UBE3C: variants seen among roughly 807,000 people sequenced by gnomAD.
UBE3C encodes the protein ubiquitin-protein ligase E3C.
Under a neutral mutation model 129.4 loss-of-function variants are expected in UBE3C, and 42 were observed. The observed-to-expected ratio is 0.32, with a 90% CI of 0.25 to 0.42. The LOEUF (loss-of-function observed/expected upper bound fraction) is 0.42. UBE3C is among the 10% of genes least tolerant of loss of function. UBE3C has a pLI of 1.00. For synonymous variants in UBE3C, 510 were observed against 492.4 expected, an observed-to-expected ratio of 1.04 and a Z score of -0.47; for missense variants, 1,049 against 1,319.1, an observed-to-expected ratio of 0.80 and a Z score of 3.17.
intron 5 of UBE3C, among the ~76,000 whole-genome samples, chr7:157,175,969 T>C (rs1176668283): frequency 6.6e-6 from 1 of 152,170 alleles, no homozygotes; most frequent in Non-Finnish European, 1.5e-5. Flanking sequence ...TTACAACTCT[T>C]TAAAAATAAA....
chr7:157,206,384 T>A (rs1231891468), intron 11 of UBE3C, among the ~76,000 whole-genome samples: 1 of 152,052 alleles, frequency 6.6e-6, no homozygotes, highest in Non-Finnish European at 1.5e-5. Context: ...TGCCTCAGCC[T>A]CCCAAGTAGC....
intron 22 of UBE3C, among the ~76,000 whole-genome samples, chr7:157,258,476 G>A (rs60804162): frequency 0.011 from 1,725 of 152,092 alleles, 34 homozygotes; most frequent in African/African-American, 0.039. Flanking sequence ...TTTTTGAGAC[G>A]GAGTTTTACT....
chr7:157,229,325 G>GT (rs1451611811), intron 17 of UBE3C, among the ~76,000 whole-genome samples: 3 of 152,058 alleles, frequency 2.0e-5, no homozygotes, highest in East Asian at 3.8e-4. Context: ...TTGTTTGTTT[G>GT]TTTTTTGAAA....
At chr7:157,146,526 G>T (rs921948950) in intron 1 of UBE3C, among the ~76,000 whole-genome samples, 2 of 152,108 alleles carry the variant, frequency 1.3e-5, no homozygotes, top group African/African-American at 4.8e-5. Context: ...CGGCCTTTAC[G>T]ATCTGTTTCT....
intron 9 of UBE3C, among the ~76,000 whole-genome samples, chr7:157,186,230 C>T (rs1808800863): frequency 6.6e-6 from 1 of 152,040 alleles, no homozygotes; most frequent in Non-Finnish European, 1.5e-5. Context: ...TCGAGACCAG[C>T]CTGACCAACA....
At chr7:157,200,223 T>C (rs187786528) in intron 10 of UBE3C, among the ~76,000 whole-genome samples, 3 of 152,362 alleles carry the variant, frequency 2.0e-5, no homozygotes, top group African/African-American at 7.2e-5. Context: ...TTTCACATGC[T>C]CTTTCATGCT....
At chr7:157,178,604 TA>T in intron 5 of UBE3C, 85 bp from the exon 6 acceptor site, 1 of 1,402,422 alleles carries the variant, frequency 7.1e-7, no homozygotes, top group Non-Finnish European at 9.8e-7. Context: ...AATAGTTTCT[TA>T]ACCATTGTCA....
chr7:157,169,609 C>G (rs1586659419), intron 3 of UBE3C, among the ~76,000 whole-genome samples: 1 of 152,156 alleles, frequency 6.6e-6, no homozygotes, highest in Non-Finnish European at 1.5e-5. Context: ...CTCATGACCT[C>G]AAATGATTCG....
rs1297748360 is a variant in UBE3C at position 157,178,789 on chromosome 7, AGAT to A, written c.560_562del (p.Asp187del). The stretch of plus-strand genomic sequence containing the variant: ...AGAATACTTACTTGCCTGTTTTACA[AGAT>A]GCTAGCTATGTGGTGTCAGTGATTG... On this transcript the variant is annotated inframe_deletion, in exon 6 of 23. Coordinates refer to ENST00000348165, the MANE Select transcript of UBE3C (RefSeq NM_014671.3). 1 of 1,614,218 alleles carries A rather than the reference AGAT, an allele frequency of 6.2e-7. No homozygotes were observed. Among genetic ancestry groups the A allele is most frequent in the Non-Finnish European group, 8.5e-7 (1 of 1,180,020 alleles).
chr7:157,178,612 G>T, intron 5 of UBE3C, 78 bp from the exon 6 acceptor site: 1 of 1,460,638 alleles, frequency 6.8e-7, no homozygotes, highest in Admixed American at 1.8e-5. Context: ...CTTAACCATT[G>T]TCACTGAGAG....
intron 11 of UBE3C, 138 bp downstream of exon 11, chr7:157,201,945 C>T: frequency 1.5e-6 from 1 of 660,636 alleles, no homozygotes; most frequent in Non-Finnish European, 2.6e-6. Context: ...TCCAGATGGT[C>T]TCAGTTGCAC....
rs1367560680 is a variant in UBE3C at position 157,207,809 on chromosome 7, TCCAGAAACCAAG to T, written c.1690_1701del (p.Thr564_Glu567del). ...GCCTGGGGATCATCAAGTTGGCTTA[TCCAGAAACCAAG>T]CCAGAAGTTCGAGAAGAATATATTA... On this transcript the variant is annotated inframe_deletion, in exon 13 of 23. Transcript: ENST00000348165. 6.2e-7 allele frequency: 1 copy of T among 1,614,028 alleles called. No individual in the cohort carries two copies. Among genetic ancestry groups the T allele is most frequent in the Non-Finnish European group, 8.5e-7 (1 of 1,180,030 alleles).
At chr7:157,262,829 GGCCAGTTGGGT>G (rs1296192066) in intron 22 of UBE3C, among the ~76,000 whole-genome samples, 1 of 152,170 alleles carries the variant, frequency 6.6e-6, no homozygotes, top group Non-Finnish European at 1.5e-5. Flanking sequence ...ATGTGGGTGT[GGCCAGTTGGGT>G]GCCTGTTGTG....
At chr7:157,157,973 GATATATATATAT>G (rs67483339) in intron 1 of UBE3C, among the ~76,000 whole-genome samples, 1 of 142,184 alleles carries the variant, frequency 7.0e-6, no homozygotes, top group African/African-American at 2.7e-5. Context: ...GATATATATA[GATATATATATAT>G]ATAGAGAGAG....
intron 10 of UBE3C, chr7:157,188,953 T>C (rs1051579086): frequency 1.5e-6 from 1 of 679,378 alleles, no homozygotes; most frequent in Non-Finnish European, 2.7e-6. Flanking sequence ...TGTCAGGGTG[T>C]ACAAATGAAT....
chr7:157,240,680 T>C lies in UBE3C; in HGVS notation c.2482-7688T>C, dbSNP rs150266903. ...GAATCTAGGCTGTTTAGAGAGGAAATTAATCCGTGAATGGAGATTTGAGGG... is the reference window on the plus strand; with the variant it reads ...GAATCTAGGCTGTTTAGAGAGGAAACTAATCCGTGAATGGAGATTTGAGGG... On this transcript the variant is annotated intron_variant, in intron 18 of 22. Transcript: ENST00000348165. Among the ~76,000 whole-genome samples the C allele has an allele frequency of 9.3e-4, 142 of 152,188 alleles. 4 individuals are homozygous for C. The East Asian group carries it at 0.026, about 28-fold the overall frequency.
chr7:157,196,751 C>G (rs539078147), intron 10 of UBE3C, among the ~76,000 whole-genome samples: 45 of 111,176 alleles, frequency 4.0e-4, no homozygotes, highest in African/African-American at 2.4e-3. Context: ...GGTGGATCAC[C>G]TGAGGTCGGG....
chr7:157,141,511 C>T (rs1439617238), intron 1 of UBE3C, among the ~76,000 whole-genome samples: 8 of 152,254 alleles, frequency 5.3e-5, no homozygotes, highest in Admixed American at 5.2e-4. Context: ...CTATGCTACA[C>T]ACCTGGACAG....
Position 157,246,951 on chromosome 7 carries a change from C to G in UBE3C, c.2482-1417C>G, listed in dbSNP as rs188807811. On this transcript the variant is annotated intron_variant, in intron 18 of 22. Transcript: ENST00000348165. ...TGTTGCCCAGACTGGAGTGCAGTGG[C>G]ACAATCTCGGCTCACTGCAACCTCC... 1.1e-3 allele frequency among the ~76,000 whole-genome samples: 174 copies of G among 152,324 alleles called. 1 individual carries two copies. The highest frequency in any genetic ancestry group is 4.1e-3 in the African/African-American group (171 of 41,566).
Sources: gnomAD v4.1 joint callset for allele counts (sites outside exome capture counted in the v4.1 genomes callset) on GRCh38, gnomAD v4.1.1 for gene constraint, MANE v1.5 for transcripts, NCBI Gene and HGNC (gene_info 2026-07-23, HGNC 2026-07-21) for gene names.